Variants in S100B observed in about 807,000 individuals in gnomAD.
The protein encoded by S100B is S100 calcium binding protein B, also known as protein S100-B.
In S100B, 6 loss-of-function variants were observed where a neutral mutation model predicts 7.7. The observed-to-expected ratio is 0.78, with a 90% CI of 0.43 to 1.54. The LOEUF (loss-of-function observed/expected upper bound fraction) is 1.54, where lower values mean the gene tolerates loss of function less well. Among genes scored for constraint, S100B ranks in the 40% most tolerant of loss-of-function variants. The probability of loss-of-function intolerance (pLI) is 0.01; values close to 1 mark genes in which losing one functional copy is unlikely to be tolerated. For missense variants in S100B, 99 were observed against 111.8 expected, an observed-to-expected ratio of 0.89 and a Z score of 0.52; for synonymous variants, 36 against 40.4, an observed-to-expected ratio of 0.89 and a Z score of 0.41.
chr21:46,603,969 G>C (rs1050216932), intron 1 of S100B, among the ~76,000 whole-genome samples: 1 of 152,074 alleles, frequency 6.6e-6, no homozygotes, highest in Non-Finnish European at 1.5e-5. Context: ...GTATGTGTGT[G>C]TATTTTTTTA....
chr21:46,601,968 C>A (rs2061042447), intron 2 of S100B, among the ~76,000 whole-genome samples: 1 of 152,216 alleles, frequency 6.6e-6, no homozygotes, highest in South Asian at 2.1e-4. Flanking sequence ...TTATTTTTAA[C>A]AGTTTCCTTT....
chr21:46,599,614 G>A, intron 2 of S100B, 111 bp from the exon 3 acceptor site: 1 of 961,594 alleles, frequency 1.0e-6, no homozygotes, highest in Non-Finnish European at 1.7e-6. Flanking sequence ...AATAACCTAA[G>A]AACATCAAAT....
intron 2 of S100B, among the ~76,000 whole-genome samples, chr21:46,600,027 C>T (rs999100076): frequency 2.0e-5 from 3 of 152,138 alleles, no homozygotes; most frequent in African/African-American, 7.2e-5. Flanking sequence ...AAACTTTTTC[C>T]TGACAGTTCT....
At chr21:46,603,392 A>AGGGGGGGCGGGGG (rs1555923741) in intron 1 of S100B, among the ~76,000 whole-genome samples, 1 of 38,206 alleles carries the variant, frequency 2.6e-5, no homozygotes, top group Non-Finnish European at 4.9e-5. Context: ...GGACGGCGGG[A>AGGGGGGGCGGGGG]GGGGGTGGGG....
At chr21:46,604,713 G>A (rs2839362) in intron 1 of S100B, among the ~76,000 whole-genome samples, 11,723 of 152,254 alleles carry the variant, frequency 0.077, 481 homozygotes, top group African/African-American at 0.084. Flanking sequence ...AGAAGAGGCA[G>A]TATTTGTAGT....
In S100B at chr21:46,599,185, G is replaced by A; in HGVS notation, c.*178C>T. 3.2e-6 allele frequency: 2 copies of A among 623,842 alleles called. No homozygotes were observed. Among genetic ancestry groups the A allele is most frequent in the Non-Finnish European group, 2.8e-6 (1 of 357,000 alleles). The allele number at this position is 623,842 out of a possible 1,614,324, so 38.6% of individuals were successfully genotyped here. ...TAATATAGCAGAAAGAATGATGCAG[G>A]CCGTTAAAACAGCCTTTGGAAAGAG... On this transcript the variant is annotated 3_prime_UTR_variant, in exon 3 of 3. Transcript: ENST00000291700.
At chr21:46,604,870 C>T (rs1355312439) in intron 1 of S100B, 143 bp downstream of exon 1, 2 of 152,370 alleles carry the variant, frequency 1.3e-5, no homozygotes, top group African/African-American at 4.8e-5. Flanking sequence ...AACACATCAT[C>T]CTATTGACAC....
Position 46,604,577 on chromosome 21 carries a change from G to A in S100B, c.-2+436C>T, listed in dbSNP as rs74479309. Among the ~76,000 whole-genome samples, 618 of 152,278 alleles carry A rather than the reference G, an allele frequency of 4.1e-3. 4 individuals carry two copies. Among genetic ancestry groups the A allele is most frequent in the African/African-American group, 0.014 (592 of 41,548 alleles). On this transcript the variant is annotated intron_variant, in intron 1 of 2. Transcript: ENST00000291700. ...GAAAACTGAAGAGTTACTTACCCAG[G>A]GCGGTGGAAGAAATATAAGGAGAAA...
In S100B at chr21:46,599,384, G is replaced by T. The variant is rs1293505814; in HGVS notation, c.258C>A (p.His86Gln). 8.1e-6 allele frequency: 13 copies of T among 1,613,760 alleles called. No individual in the cohort carries two copies. The Admixed American group carries it at 2.2e-4, about 27-fold the overall frequency. ...AATCTCACTCATGTTCAAAGAACTC[G>T]TGGCAGGCAGTAGTAACCATGGCAA... is the stretch of plus-strand genomic sequence containing the variant. The part of the protein sequence containing the change: ...AFVAMVTTAC[H>Q]EFFEHE The change falls in exon 3 of 3, where the codon CAC becomes CAA. Residue 86 changes from histidine (H) to glutamine (Q), a missense_variant. Physicochemically the swap from His to Gln is conservative, Grantham distance 24. Coordinates refer to ENST00000291700, the MANE Select transcript of S100B (RefSeq NM_006272.3).
intron 2 of S100B, 79 bp from the exon 3 acceptor site, chr21:46,599,582 G>T: frequency 8.0e-7 from 1 of 1,255,654 alleles, no homozygotes; most frequent in Non-Finnish European, 1.2e-6. Context: ...AAAGTTGAGT[G>T]ACTCTGATAA....
At chr21:46,602,577 G>A (rs1412722814) in intron 1 of S100B, 161 bp from the exon 2 acceptor site, 2 of 647,918 alleles carry the variant, frequency 3.1e-6, no homozygotes, top group Non-Finnish European at 5.0e-6. Flanking sequence ...GGCATTCTGG[G>A]AATTTGCACT....
intron 1 of S100B, among the ~76,000 whole-genome samples, chr21:46,603,333 A>G (rs1394706405): frequency 1.5e-5 from 2 of 131,056 alleles, no homozygotes; most frequent in East Asian, 4.9e-4. Context: ...CTGAGCCTGC[A>G]TTCCACCTCC....
In S100B at chr21:46,599,312, T is replaced by C; in HGVS notation, c.*51A>G. 1 of 1,576,634 alleles carries C rather than the reference T, an allele frequency of 6.3e-7. No homozygotes were observed. The highest frequency in any genetic ancestry group is 1.1e-5 in the South Asian group (1 of 88,418). Reference sequence around the variant, plus strand: ...TAGGCTGCAAGCCCTTGCTGTCTGCTTTCTTGCATGACCGTCTCTGTTACA... The same window carrying C: ...TAGGCTGCAAGCCCTTGCTGTCTGCCTTCTTGCATGACCGTCTCTGTTACA... On this transcript the variant is annotated 3_prime_UTR_variant, in exon 3 of 3. Coordinates refer to ENST00000291700, the MANE Select transcript of S100B (RefSeq NM_006272.3).
chr21:46,602,502 G>T, intron 1 of S100B, 86 bp from the exon 2 acceptor site: 2 of 1,367,970 alleles, frequency 1.5e-6, no homozygotes, highest in Non-Finnish European at 2.0e-6. Context: ...CCTCAACCCA[G>T]ACAAGGGGGA....
chr21:46,600,307 T>A (rs1310157181), intron 2 of S100B: 1 of 418,572 alleles, frequency 2.4e-6, no homozygotes, highest in Non-Finnish European at 4.8e-6. Context: ...TTTGGGAAGC[T>A]AAGGCAGGAG....
chr21:46,599,177 T>A lies in S100B; in HGVS notation c.*186A>T. Reference sequence around the variant, plus strand: ...CACAGGCCTAATATAGCAGAAAGAATGATGCAGGCCGTTAAAACAGCCTTT... The same window carrying A: ...CACAGGCCTAATATAGCAGAAAGAAAGATGCAGGCCGTTAAAACAGCCTTT... On this transcript the variant is annotated 3_prime_UTR_variant, in exon 3 of 3. Coordinates refer to ENST00000291700, the MANE Select transcript of S100B (RefSeq NM_006272.3). 1 of 611,478 alleles carries A rather than the reference T, an allele frequency of 1.6e-6. No homozygotes were observed. Among genetic ancestry groups the A allele is most frequent in the Non-Finnish European group, 2.9e-6 (1 of 348,972 alleles). 37.9% of individuals were successfully genotyped at this position (611,478 alleles called of 1,614,324 possible). A position where few individuals can be genotyped will look rare whatever the true frequency, so the allele number is the denominator to read the frequency against.
chr21:46,599,007 G>A lies in S100B; in HGVS notation c.*356C>T. The A allele has an allele frequency of 4.3e-6, 1 of 232,424 alleles. No homozygotes were observed. The highest frequency in any genetic ancestry group is 8.2e-6 in the Non-Finnish European group (1 of 122,216). The allele number at this position is 232,424 out of a possible 1,614,324, so 14.4% of individuals were successfully genotyped here. A position where few individuals can be genotyped will look rare whatever the true frequency, so the allele number is the denominator to read the frequency against. On this transcript the variant is annotated 3_prime_UTR_variant, in exon 3 of 3. Coordinates refer to ENST00000291700, the MANE Select transcript of S100B (RefSeq NM_006272.3). ...TTTAAAGGTAGTGGAAGTTTTAAGG[G>A]TGCCCCGGGGTAATTTCTGTAGTCA...
At chr21:46,604,799 T>C (rs1329718996) in intron 1 of S100B, among the ~76,000 whole-genome samples, 1 of 152,144 alleles carries the variant, frequency 6.6e-6, no homozygotes, top group East Asian at 1.9e-4. Flanking sequence ...AAAACACACC[T>C]CTAGCTGTCT....
intron 2 of S100B, among the ~76,000 whole-genome samples, chr21:46,599,939 A>T (rs943361371): frequency 1.3e-5 from 2 of 152,232 alleles, no homozygotes; most frequent in Admixed American, 6.5e-5. Context: ...TTGTTGCTGA[A>T]GTAACTCTTG....
Sources: allele counts gnomAD v4.1 joint callset (sites outside exome capture counted in the v4.1 genomes callset), GRCh38; gene constraint gnomAD v4.1.1; transcripts MANE v1.5; gene names NCBI Gene and HGNC (gene_info 2026-07-23, HGNC 2026-07-21).